The following AKAP6 variants were observed in gnomAD, a reference collection of about 807,000 sequenced individuals.
The protein encoded by AKAP6 is A-kinase anchor protein 6.
Under a neutral mutation model 188.5 loss-of-function variants are expected in AKAP6, and 58 were observed. The ratio of observed to expected loss-of-function variants is 0.31; its 90% CI spans 0.25 to 0.38. The LOEUF is 0.38. Ranked by LOEUF, AKAP6 falls within the 10% of genes least tolerant of loss-of-function variation. The probability of loss-of-function intolerance (pLI) is 1.00; values close to 1 mark genes in which losing one functional copy is unlikely to be tolerated. For missense variants in AKAP6, 2,710 were observed against 2,740.0 expected, an observed-to-expected ratio of 0.99 and a Z score of 0.24; for synonymous variants, 989 against 998.6, an observed-to-expected ratio of 0.99 and a Z score of 0.18.
chr14:32,361,071 T>TATATATATATATATATATATATATATA (rs1213844124), intron 1 of AKAP6, among the ~76,000 whole-genome samples: 42 of 149,058 alleles, frequency 2.8e-4, no homozygotes, highest in South Asian at 4.3e-4. Context: ...TATATATATA[T>TATATATATATATATATATATATATATA]TTGAGAAGCT....
At chr14:32,423,327 G>A (rs963675215) in intron 1 of AKAP6, among the ~76,000 whole-genome samples, 3 of 151,894 alleles carry the variant, frequency 2.0e-5, no homozygotes, top group African/African-American at 7.3e-5. Context: ...ATGCCACCAC[G>A]CCTGGCTAAG....
intron 7 of AKAP6, among the ~76,000 whole-genome samples, chr14:32,644,653 G>A (rs1354731526): frequency 2.6e-5 from 4 of 151,946 alleles, no homozygotes; most frequent in Non-Finnish European, 4.4e-5. Flanking sequence ...TGCATTTTGG[G>A]GACCAACATT....
At chr14:32,638,036 T>G (rs1386932473) in intron 7 of AKAP6, among the ~76,000 whole-genome samples, 1 of 152,034 alleles carries the variant, frequency 6.6e-6, no homozygotes. Context: ...GGACATATTT[T>G]TAAATTAGGG....
chr14:32,536,940 G>A (rs1299947706), intron 3 of AKAP6, among the ~76,000 whole-genome samples: 2 of 152,124 alleles, frequency 1.3e-5, no homozygotes, highest in Non-Finnish European at 2.9e-5. Context: ...ACCCAGTTTA[G>A]TGTTCTACTA....
chr14:32,823,309 T>C lies in AKAP6; in HGVS notation c.5496T>C (p.Ser1832=). 6.2e-7 allele frequency: 1 copy of C among 1,613,840 alleles called. No homozygotes were observed. The highest frequency in any genetic ancestry group is 8.5e-7 in the Non-Finnish European group (1 of 1,179,906). ...SDEMKGSKDI[S]SSEMTNPSDT... ...AGATGAAGGGCAGTAAAGATATAAG[T>C]AGCAGTGAGATGACCAATCCCTCTG... The change falls in exon 13 of 14, where the codon AGT becomes AGC. Residue 1832 remains serine (S), a synonymous_variant. Transcript: ENST00000280979.
chr14:32,366,313 T>C (rs1179653528), intron 1 of AKAP6, among the ~76,000 whole-genome samples: 3 of 152,218 alleles, frequency 2.0e-5, no homozygotes, highest in Non-Finnish European at 2.9e-5. Flanking sequence ...GAACACTACA[T>C]TTGAACTGAG....
rs760741613 is a variant in AKAP6, at chr14:32,821,491, C to T, written c.3678C>T (p.Asn1226=). ...ALEWDEMDIS[N]KLISLNEESN... ...AATGGGATGAAATGGACATAAGTAA[C>T]AAGTTAATTAGTTTGAATGAGGAAT... The change falls in exon 13 of 14, where the codon AAC becomes AAT. Residue 1226 remains asparagine (N), a synonymous_variant. Coordinates refer to ENST00000280979, the MANE Select transcript of AKAP6 (RefSeq NM_004274.5). The T allele has an allele frequency of 4.3e-6, 7 of 1,613,610 alleles. No homozygotes were observed. The South Asian group carries it at 6.6e-5, about 15-fold the overall frequency.
At chr14:32,474,883 C>T (rs745562) in intron 2 of AKAP6, among the ~76,000 whole-genome samples, 2 of 151,894 alleles carry the variant, frequency 1.3e-5, no homozygotes, top group Non-Finnish European at 2.9e-5. Flanking sequence ...CTTGGCAAAA[C>T]GGATGAAAAT....
chr14:32,578,406 G>A (rs1317950109), intron 5 of AKAP6, among the ~76,000 whole-genome samples: 3 of 152,046 alleles, frequency 2.0e-5, no homozygotes, highest in South Asian at 2.1e-4. Context: ...TTAGAGACCT[G>A]AGTCGATGGT....
chr14:32,394,624 G>A (rs957462371), intron 1 of AKAP6, among the ~76,000 whole-genome samples: 2 of 152,138 alleles, frequency 1.3e-5, no homozygotes, highest in African/African-American at 4.8e-5. Context: ...ATGCCTAAAT[G>A]TACACACACA....
intron 12 of AKAP6, among the ~76,000 whole-genome samples, chr14:32,795,807 T>C (rs1489415627): frequency 6.6e-6 from 1 of 152,104 alleles, no homozygotes; most frequent in Admixed American, 6.6e-5. Flanking sequence ...GAGAAAGAAA[T>C]AAAGGGCATT....
intron 12 of AKAP6, among the ~76,000 whole-genome samples, chr14:32,811,024 G>C (rs1402897904): frequency 6.6e-6 from 1 of 151,936 alleles, no homozygotes; most frequent in Non-Finnish European, 1.5e-5. Flanking sequence ...CAGATCACGA[G>C]GTCAGGAGAT....
chr14:32,436,822 G>A (rs1890395630), intron 2 of AKAP6, among the ~76,000 whole-genome samples: 1 of 152,120 alleles, frequency 6.6e-6, no homozygotes, highest in South Asian at 2.1e-4. Context: ...TGTAATCCCA[G>A]CTTCTCTGGA....
chr14:32,637,454 GA>G (rs1374785573), intron 7 of AKAP6, among the ~76,000 whole-genome samples: 1 of 152,090 alleles, frequency 6.6e-6, no homozygotes, highest in African/African-American at 2.4e-5. Flanking sequence ...TGAAGGGAAG[GA>G]GGAAAATAAT....
intron 9 of AKAP6, among the ~76,000 whole-genome samples, chr14:32,710,345 T>G (rs1449881811): frequency 6.6e-6 from 1 of 152,110 alleles, no homozygotes; most frequent in East Asian, 1.9e-4. Flanking sequence ...TTCCTTGGCT[T>G]ATTGTTGTAT....
chr14:32,597,087 C>G (rs1885735694), intron 5 of AKAP6, among the ~76,000 whole-genome samples: 1 of 152,088 alleles, frequency 6.6e-6, no homozygotes, highest in Non-Finnish European at 1.5e-5. Flanking sequence ...TAATGAATAC[C>G]TCATCTTTTC....
intron 7 of AKAP6, among the ~76,000 whole-genome samples, chr14:32,623,052 A>G (rs760388846): frequency 1.3e-5 from 2 of 152,102 alleles, no homozygotes; most frequent in African/African-American, 2.4e-5. Context: ...CCTTCCACAC[A>G]CTATCCTATG....
At chr14:32,741,993 C>G (rs1305112460) in intron 11 of AKAP6, among the ~76,000 whole-genome samples, 3 of 151,648 alleles carry the variant, frequency 2.0e-5, no homozygotes, top group African/African-American at 7.3e-5. Context: ...GCAGTGAAGC[C>G]ATCGGGTCCC....
At chr14:32,416,497 A>G (rs1889661887) in intron 1 of AKAP6, among the ~76,000 whole-genome samples, 1 of 152,010 alleles carries the variant, frequency 6.6e-6, no homozygotes, top group Admixed American at 6.6e-5. Flanking sequence ...TATTTTGTTG[A>G]TATGGTCTTT....
Sources: allele counts gnomAD v4.1 joint callset (sites outside exome capture counted in the v4.1 genomes callset), GRCh38; gene constraint gnomAD v4.1.1; transcripts MANE v1.5; gene names NCBI Gene and HGNC (gene_info 2026-07-23, HGNC 2026-07-21).